RANBP2: variants seen among roughly 807,000 people sequenced by gnomAD.
RANBP2 encodes RAN binding protein 2.
RANBP2 carries 57 observed loss-of-function variants against 303.6 expected under a neutral mutation model. That is an observed-to-expected ratio of 0.19 (90% CI 0.15 to 0.23). The LOEUF (loss-of-function observed/expected upper bound fraction) is 0.23. Among genes scored for constraint, RANBP2 ranks in the 10% least tolerant of loss-of-function variants. The pLI is 1.00. For missense variants in RANBP2, 3,138 were observed against 3,780.8 expected (o/e 0.83, Z 4.46); for synonymous variants, 1,167 against 1,301.5 (o/e 0.90, Z 2.23).
At chr2:109,704,979 T>A in the RANBP2 span, among the ~76,000 whole-genome samples, 1 of 151,736 alleles carries the variant, frequency 6.6e-6, no homozygotes, top group Non-Finnish European at 1.5e-5. Flanking sequence ...AATGAAGCAA[T>A]GAGAAATCAC....
At chr2:108,813,103 G>A in the RANBP2 span, among the ~76,000 whole-genome samples, 1 of 151,638 alleles carries the variant, frequency 6.6e-6, no homozygotes, top group Non-Finnish European at 1.5e-5. Context: ...CAGAAAATTA[G>A]CCAGGCATGG....
the RANBP2 span, among the ~76,000 whole-genome samples, chr2:109,159,787 C>T: frequency 2.7e-4 from 41 of 152,252 alleles, no homozygotes; most frequent in African/African-American, 8.4e-4. Context: ...ACTGCACATG[C>T]GGGGGATTTA....
At chr2:109,668,177 G>A in the RANBP2 span, among the ~76,000 whole-genome samples, 2 of 152,304 alleles carry the variant, frequency 1.3e-5, no homozygotes, top group East Asian at 1.9e-4. Context: ...TGCAGGACCC[G>A]GGTTCATTTT....
At chr2:109,643,478 G>A in the RANBP2 span, among the ~76,000 whole-genome samples, 10 of 152,188 alleles carry the variant, frequency 6.6e-5, no homozygotes, top group African/African-American at 2.4e-4. Context: ...GCCTGCCAAA[G>A]GCTGGGCGCA....
chr2:109,078,077 AATATATAT>A, the RANBP2 span, among the ~76,000 whole-genome samples: 205 of 47,406 alleles, frequency 4.3e-3, 2 homozygotes, highest in African/African-American at 0.024. Flanking sequence ...TTGACAGATG[AATATATAT>A]ATATATATAT....
the RANBP2 span, among the ~76,000 whole-genome samples, chr2:109,625,165 A>G: frequency 6.6e-6 from 1 of 151,812 alleles, no homozygotes; most frequent in Non-Finnish European, 1.5e-5. Flanking sequence ...TCCGAGTCCT[A>G]CTAAATTGGA....
chr2:108,859,858 T>C, the RANBP2 span, among the ~76,000 whole-genome samples: 1 of 152,174 alleles, frequency 6.6e-6, no homozygotes, highest in African/African-American at 2.4e-5. Flanking sequence ...GGTAATTTGA[T>C]AGGAATTGTG....
the RANBP2 span, chr2:109,615,014 C>G: frequency 3.2e-6 from 5 of 1,545,928 alleles, no homozygotes; most frequent in Admixed American, 9.8e-5. Flanking sequence ...CCAGCGAGGA[C>G]CTGGAGCTCC....
At chr2:108,872,602 C>T in the RANBP2 span, among the ~76,000 whole-genome samples, 20 of 152,110 alleles carry the variant, frequency 1.3e-4, no homozygotes, top group Non-Finnish European at 2.5e-4. Flanking sequence ...AATCCAGTAT[C>T]AAGATGCTGG....
chr2:109,606,075 A>G, the RANBP2 span, among the ~76,000 whole-genome samples: 1 of 152,236 alleles, frequency 6.6e-6, no homozygotes, highest in Non-Finnish European at 1.5e-5. Context: ...CATCTCATCC[A>G]AAAAACTAGA....
At chr2:109,056,736 G>T in the RANBP2 span, among the ~76,000 whole-genome samples, 3 of 152,194 alleles carry the variant, frequency 2.0e-5, no homozygotes, top group Non-Finnish European at 4.4e-5. Flanking sequence ...AAGAGTGAAG[G>T]TGTGGTTCAA....
At chr2:108,797,103 G>A in the RANBP2 span, among the ~76,000 whole-genome samples, 2 of 152,112 alleles carry the variant, frequency 1.3e-5, no homozygotes, top group Admixed American at 1.3e-4. Flanking sequence ...TTGTAGGTTG[G>A]GAACAATTAG....
chr2:109,236,359 C>T, the RANBP2 span, among the ~76,000 whole-genome samples: 1 of 152,106 alleles, frequency 6.6e-6, no homozygotes, highest in Non-Finnish European at 1.5e-5. Context: ...TGCGAGCATC[C>T]CAGTGAAGCA....
chr2:109,186,467 G>A, the RANBP2 span, among the ~76,000 whole-genome samples: 11 of 152,248 alleles, frequency 7.2e-5, no homozygotes, highest in African/African-American at 1.2e-4. Context: ...TGGACCACCC[G>A]TGGGAGTTCA....
At chr2:109,517,400 G>T in the RANBP2 span, among the ~76,000 whole-genome samples, 1 of 152,348 alleles carries the variant, frequency 6.6e-6, no homozygotes, top group Admixed American at 6.5e-5. Context: ...GCTTGCAGGA[G>T]TCTCTGCTGG....
At chr2:108,844,586 C>T in the RANBP2 span, among the ~76,000 whole-genome samples, 12 of 152,150 alleles carry the variant, frequency 7.9e-5, no homozygotes, top group African/African-American at 2.9e-4. Flanking sequence ...CTTTCTGGTC[C>T]TTGGAATGGT....
At chr2:109,546,592 TAGAA>T in the RANBP2 span, among the ~76,000 whole-genome samples, 1 of 151,958 alleles carries the variant, frequency 6.6e-6, no homozygotes, top group Non-Finnish European at 1.5e-5. Context: ...ATGCAAAGTA[TAGAA>T]AGAAATTACC....
At chr2:109,339,891 T>A in the RANBP2 span, among the ~76,000 whole-genome samples, 5 of 152,108 alleles carry the variant, frequency 3.3e-5, no homozygotes, top group African/African-American at 1.2e-4. Flanking sequence ...AAACAGATAA[T>A]TATCAGGGCT....
intron 1 of RANBP2, among the ~76,000 whole-genome samples, chr2:108,724,597 A>C (rs1694540680): frequency 6.7e-6 from 1 of 149,374 alleles, no homozygotes; most frequent in African/African-American, 2.5e-5. Flanking sequence ...CATTTCTTTC[A>C]GTTCTGTAGC....
Sources: gnomAD v4.1 joint callset for allele counts (sites outside exome capture counted in the v4.1 genomes callset) on GRCh38, gnomAD v4.1.1 for gene constraint, MANE v1.5 for transcripts, NCBI Gene and HGNC (gene_info 2026-07-23, HGNC 2026-07-21) for gene names.